The following CELF1 variants were observed in gnomAD, a reference collection of about 807,000 sequenced individuals.
The protein encoded by CELF1 is CUGBP Elav-like family member 1.
Under a neutral mutation model 61.8 loss-of-function variants are expected in CELF1, and 10 were observed. The ratio of observed to expected loss-of-function variants is 0.16; its 90% CI spans 0.10 to 0.27. The LOEUF (loss-of-function observed/expected upper bound fraction) is 0.27. Among genes scored for constraint, CELF1 ranks in the 10% least tolerant of loss-of-function variants. CELF1 has a pLI of 1.00. For synonymous variants in CELF1, 236 were observed against 225.1 expected, an observed-to-expected ratio of 1.05 and a Z score of -0.43; for missense variants, 380 against 639.1, an observed-to-expected ratio of 0.59 and a Z score of 4.37.
intron 1 of CELF1, among the ~76,000 whole-genome samples, chr11:47,539,737 G>A (rs1439098828): frequency 6.6e-6 from 1 of 152,208 alleles, no homozygotes; most frequent in Non-Finnish European, 1.5e-5. Flanking sequence ...GCCCACACCT[G>A]GAAAGTCTTT....
intron 3 of CELF1, chr11:47,496,012 A>C: frequency 8.1e-6 from 8 of 985,324 alleles, no homozygotes; most frequent in Non-Finnish European, 9.6e-6. Flanking sequence ...ACCCACCCTT[A>C]TACAAGGTCC....
In CELF1 at chr11:47,470,644, C is replaced by G. The variant is rs540804358; in HGVS notation, c.*1586G>C. 2 of 152,320 alleles carry G rather than the reference C, an allele frequency of 1.3e-5. No individual in the cohort carries two copies. Among genetic ancestry groups the G allele is most frequent in the South Asian group, 4.1e-4 (2 of 4,824 alleles). 9.4% of individuals were successfully genotyped at this position (152,320 alleles called of 1,614,324 possible). A position where few individuals can be genotyped will look rare whatever the true frequency, so the allele number is the denominator to read the frequency against. ...AGCCCCCATCTGACTTAATAGCAAA[C>G]CAACCCCTTTATTCTTATCTCTGCT... is the stretch of plus-strand genomic sequence containing the variant. On this transcript the variant is annotated 3_prime_UTR_variant, in exon 15 of 15. Transcript: ENST00000687097.
chr11:47,476,814 T>A, intron 12 of CELF1, 32 bp downstream of exon 12: 1 of 1,511,466 alleles, frequency 6.6e-7, no homozygotes, highest in Non-Finnish European at 9.2e-7. Context: ...GCACAAAGAA[T>A]AGTCTGATGA....
At chr11:47,502,401 T>C (rs1286372848) in intron 1 of CELF1, among the ~76,000 whole-genome samples, 1 of 152,086 alleles carries the variant, frequency 6.6e-6, no homozygotes, top group Non-Finnish European at 1.5e-5. Context: ...AAAGAGGTTA[T>C]GAAGTTAAGT....
intron 13 of CELF1, 23 bp downstream of exon 13, chr11:47,475,313 C>A: frequency 6.2e-7 from 1 of 1,611,682 alleles, no homozygotes. Flanking sequence ...CCATACCTGA[C>A]CCCGATCTCC....
intron 1 of CELF1, among the ~76,000 whole-genome samples, chr11:47,509,203 A>G (rs2094839283): frequency 1.3e-5 from 2 of 152,342 alleles, no homozygotes; most frequent in Admixed American, 1.3e-4. Context: ...AAAAGCTTTG[A>G]CTGTTTTACA....
At chr11:47,491,581 T>A (rs915462354) in intron 3 of CELF1, among the ~76,000 whole-genome samples, 3 of 152,200 alleles carry the variant, frequency 2.0e-5, no homozygotes, top group Non-Finnish European at 4.4e-5. Flanking sequence ...TAACCCTATA[T>A]CTGTGAAGGC....
intron 1 of CELF1, among the ~76,000 whole-genome samples, chr11:47,544,414 T>A (rs1273212523): frequency 1.1e-4 from 17 of 152,186 alleles, no homozygotes; most frequent in Admixed American, 1.1e-3. Flanking sequence ...ATCTCCACTT[T>A]AAAGACAGGA....
At chr11:47,472,939 T>G (rs547436557) in intron 14 of CELF1, 149 bp downstream of exon 14, 72 of 733,664 alleles carry the variant, frequency 9.8e-5, no homozygotes, top group African/African-American at 6.9e-4. Flanking sequence ...AATGAGAAAC[T>G]GGGGCTCAAA....
At chr11:47,500,969 C>G (rs1182560300) in intron 1 of CELF1, 37 bp from the exon 2 acceptor site, 1 of 397,838 alleles carries the variant, frequency 2.5e-6, no homozygotes, top group Non-Finnish European at 4.4e-6. Flanking sequence ...ACTAAACACA[C>G]AGAGTTAACG....
intron 9 of CELF1, among the ~76,000 whole-genome samples, chr11:47,479,265 G>A (rs1455299889): frequency 6.6e-6 from 1 of 152,164 alleles, no homozygotes; most frequent in African/African-American, 2.4e-5. Context: ...AACTTGAGGA[G>A]CTACGCAGTC....
chr11:47,522,419 C>A (rs1306111211), intron 1 of CELF1, among the ~76,000 whole-genome samples: 1 of 150,582 alleles, frequency 6.6e-6, no homozygotes, highest in East Asian at 2.0e-4. Context: ...CCAGCTACTA[C>A]TACGGAGGCT....
chr11:47,485,509 G>A (rs1430381579), intron 6 of CELF1, among the ~76,000 whole-genome samples: 1 of 152,120 alleles, frequency 6.6e-6, no homozygotes, highest in African/African-American at 2.4e-5. Flanking sequence ...ACTAAAGAAA[G>A]AAGAGGTTTT....
rs144431215 is a variant in CELF1, at chr11:47,477,354, T to C, written c.916A>G (p.Ser306Gly). The C allele has an allele frequency of 1.3e-5, 21 of 1,614,030 alleles. No homozygotes were observed. The African/African-American group carries it at 2.3e-4, about 17-fold the overall frequency. ...GATGTAGTGAGAGCATTGGTACCACTTGGTGTGTTCTGAGCTGCACTAGCT... is the reference window on the plus strand; with the variant it reads ...GATGTAGTGAGAGCATTGGTACCACCTGGTGTGTTCTGAGCTGCACTAGCT... ...AAASAAQNTP[S>G]GTNALTTSSS... Residue 306 changes from serine to glycine, a missense_variant, in exon 11 of 15, where the codon AGT (serine) becomes GGT (glycine). Physicochemically the swap from Ser to Gly is moderately conservative, Grantham distance 56. Transcript: ENST00000687097.
rs2077185656 is a variant in CELF1, at chr11:47,469,293, C to T, written c.*2937G>A. On this transcript the variant is annotated 3_prime_UTR_variant, in exon 15 of 15. Transcript: ENST00000687097. The stretch of plus-strand genomic sequence containing the variant: ...TTTTCAGGGAAGAGGACCAGAATTT[C>T]TGCTCAATCTTATGGGGATGGCCCT... The T allele has an allele frequency of 6.6e-6, 1 of 152,226 alleles. No homozygotes were observed. The allele number at this position is 152,226 out of a possible 1,614,324, so 9.4% of individuals were successfully genotyped here.
At chr11:47,488,367 G>A (rs1433115480) in intron 4 of CELF1, among the ~76,000 whole-genome samples, 2 of 152,090 alleles carry the variant, frequency 1.3e-5, no homozygotes, top group African/African-American at 2.4e-5. Context: ...AAACTATCCC[G>A]CAAGGCCTCT....
Position 47,472,281 on chromosome 11 carries a change from C to T in CELF1, c.1494G>A (p.Lys498=). The T allele has an allele frequency of 6.2e-7, 1 of 1,614,192 alleles. No individual in the cohort carries two copies. Among genetic ancestry groups the T allele is most frequent in the Non-Finnish European group, 8.5e-7 (1 of 1,180,026 alleles). Residue 498 remains lysine, a synonymous_variant, in exon 15 of 15, where the codon AAG becomes AAA. Coordinates refer to ENST00000687097, the MANE Select transcript of CELF1 (RefSeq NM_001376376.1). ...QSMNGFQIGM[K]RLKVQLKRSK... is the part of the protein sequence containing the mutation. Reference sequence around the variant, plus strand: ...AACGTTTGAGCTGCACTTTAAGCCGCTTCATGCCAATCTGAAAGCCGTTCA... The same window carrying T: ...AACGTTTGAGCTGCACTTTAAGCCGTTTCATGCCAATCTGAAAGCCGTTCA...
intron 9 of CELF1, chr11:47,482,459 C>T (rs1264058893): frequency 9.0e-6 from 3 of 333,050 alleles, no homozygotes; most frequent in South Asian, 2.3e-4. Context: ...CAGGAATTCA[C>T]TTTAGTTGCA....
rs2153365685 is a variant in CELF1 at position 47,473,112 on chromosome 11, G to A, written c.1393C>T (p.Gln465Ter). 1 of 1,614,112 alleles carries A rather than the reference G, an allele frequency of 6.2e-7. No homozygotes were observed. Among genetic ancestry groups the A allele is most frequent in the African/African-American group, 1.3e-5 (1 of 75,022 alleles). Residue 465 changes from glutamine to a stop codon, truncating the protein, a stop_gained, in exon 14 of 15, where the codon CAG becomes TAG. Transcript: ENST00000687097. LOFTEE classifies it high-confidence loss of function. ...CCAAAACACTTGCTCAGGTTTGTCT[G>A]CTTGTCTATGAAAACCTTGGCAGAC... is the stretch of plus-strand genomic sequence containing the variant. ...VVSAKVFIDK[Q>*]TNLSKCFGFV...
Sources: gnomAD v4.1 joint callset for allele counts (sites outside exome capture counted in the v4.1 genomes callset) on GRCh38, gnomAD v4.1.1 for gene constraint, MANE v1.5 for transcripts, NCBI Gene and HGNC (gene_info 2026-07-23, HGNC 2026-07-21) for gene names.